Variants in CDC14A observed in about 807,000 individuals in gnomAD.
CDC14A encodes dual specificity protein phosphatase CDC14A.
CDC14A carries 53 observed loss-of-function variants against 74.4 expected under a neutral mutation model. The observed-to-expected ratio is 0.71, with a 90% CI of 0.57 to 0.89. The LOEUF is 0.89. CDC14A is among the 40% of genes least tolerant of loss of function. The pLI, the probability that CDC14A is intolerant of heterozygous loss-of-function variation, is 0.00. For missense variants in CDC14A, 646 were observed against 713.7 expected (o/e 0.91, Z 1.08); for synonymous variants, 247 against 258.4 (o/e 0.96, Z 0.43).
intron 4 of CDC14A, among the ~76,000 whole-genome samples, chr1:100,420,063 C>CAT (rs1553180578): frequency 0.056 from 3,458 of 61,542 alleles, 256 homozygotes; most frequent in South Asian, 0.11. Flanking sequence ...CACACACACA[C>CAT]ATATATATAT....
Position 100,518,311 on chromosome 1 carries a change from C to T in CDC14A, c.*31C>T, listed in dbSNP as rs1239698644. 6.3e-7 allele frequency: 1 copy of T among 1,581,378 alleles called. No homozygotes were observed. The highest frequency in any genetic ancestry group is 1.1e-5 in the South Asian group (1 of 90,048). ...TGCCACTCCAGTGAAAGCTGTTCTT[C>T]TCTTAGACACAATTTCTTCATCTGG... On this transcript the variant is annotated 3_prime_UTR_variant, in exon 16 of 16. Coordinates refer to ENST00000336454, the MANE Select transcript of CDC14A (RefSeq NM_003672.4).
intron 5 of CDC14A, among the ~76,000 whole-genome samples, chr1:100,438,292 T>C (rs1352441397): frequency 3.3e-5 from 5 of 152,190 alleles, no homozygotes; most frequent in Admixed American, 1.3e-4. Flanking sequence ...TTAAATGTAA[T>C]TGAAATAGTT....
At chr1:100,404,856 AC>A (rs377667156) in intron 4 of CDC14A, among the ~76,000 whole-genome samples, 16,610 of 151,776 alleles carry the variant, frequency 0.11, 1,094 homozygotes, top group Non-Finnish European at 0.14. Flanking sequence ...ACAAAACAAA[AC>A]AAAACAAAAA....
upstream of CDC14A, among the ~76,000 whole-genome samples, chr1:100,348,281 C>CA (rs59269474): frequency 0.022 from 1,922 of 86,886 alleles, 41 homozygotes; most frequent in African/African-American, 0.054. Context: ...GACTCCATTT[C>CA]AAAAAAAAAA....
chr1:100,406,712 T>C (rs1245941772), intron 4 of CDC14A, among the ~76,000 whole-genome samples: 1 of 151,894 alleles, frequency 6.6e-6, no homozygotes, highest in Non-Finnish European at 1.5e-5. Context: ...TCACCTGAGG[T>C]TGGGAGTTTA....
rs1288124087 is a variant in CDC14A at position 100,353,749 on chromosome 1, A to C, written c.50-13A>C. The C allele has an allele frequency of 9.1e-6, 13 of 1,435,152 alleles. No homozygotes were observed. Among genetic ancestry groups the C allele is most frequent in the Non-Finnish European group, 1.2e-5 (12 of 1,024,870 alleles). The allele number at this position is 1,435,152 out of a possible 1,614,324, so 88.9% of individuals were successfully genotyped here. ...CTCATATGTTTTTTCTGTCTTTTAA[A>C]CTTGTCTTTCAGATCGGTTATATTT... On this transcript the variant is annotated splice_polypyrimidine_tract_variant and intron_variant, in intron 1 of 15. Coordinates refer to ENST00000336454, the MANE Select transcript of CDC14A (RefSeq NM_003672.4).
chr1:100,464,926 C>CT (rs58978094), intron 9 of CDC14A, among the ~76,000 whole-genome samples: 317 of 138,764 alleles, frequency 2.3e-3, no homozygotes, highest in East Asian at 3.9e-3. Context: ...CTTTTCTTTT[C>CT]TTTTTTTTTT....
At chr1:100,465,608 G>A (rs541914604) in intron 9 of CDC14A, among the ~76,000 whole-genome samples, 6 of 152,300 alleles carry the variant, frequency 3.9e-5, no homozygotes, top group Non-Finnish European at 5.9e-5. Context: ...ATGAACTTTG[G>A]TGGCTACTGA....
At chr1:100,428,945 C>G (rs987824250) in intron 5 of CDC14A, among the ~76,000 whole-genome samples, 1 of 152,062 alleles carries the variant, frequency 6.6e-6, no homozygotes, top group Non-Finnish European at 1.5e-5. Flanking sequence ...CGGTGGCTCA[C>G]GCCTGTAATC....
intron 7 of CDC14A, among the ~76,000 whole-genome samples, chr1:100,450,259 C>G (rs1315502385): frequency 6.6e-6 from 1 of 152,174 alleles, no homozygotes; most frequent in East Asian, 1.9e-4. Flanking sequence ...TGTCTCTCAG[C>G]AAGTCACATT....
intron 10 of CDC14A, among the ~76,000 whole-genome samples, chr1:100,479,368 C>T (rs1417785731): frequency 6.6e-6 from 1 of 151,938 alleles, no homozygotes; most frequent in African/African-American, 2.4e-5. Flanking sequence ...TTTAGTGCAC[C>T]CATCACCTAA....
At position 100,484,345 on chromosome 1, in the gene CDC14A, A is replaced by T; in HGVS notation, c.1031A>T (p.Asn344Ile). ...QGDIFRSKLK[N>I]RPSSEGSINK... The stretch of plus-strand genomic sequence containing the variant: ...GACATTTTCCGATCCAAACTGAAAA[A>T]TCGACCATCCAGTGAAGGAAGTATT... The change falls in exon 11 of 16, where the codon AAT (asparagine) becomes ATT (isoleucine). Residue 344 changes from asparagine (N) to isoleucine (I), a missense_variant. Transcript: ENST00000336454. The T allele has an allele frequency of 6.2e-7, 1 of 1,606,056 alleles. No individual in the cohort carries two copies. The highest frequency in any genetic ancestry group is 1.7e-5 in the Admixed American group (1 of 58,936).
At chr1:100,417,205 G>A (rs1435753183) in intron 4 of CDC14A, among the ~76,000 whole-genome samples, 1 of 152,174 alleles carries the variant, frequency 6.6e-6, no homozygotes, top group East Asian at 1.9e-4. Flanking sequence ...GTGATCCCAA[G>A]GAAACGGAGG....
intron 10 of CDC14A, among the ~76,000 whole-genome samples, chr1:100,482,832 A>G (rs1669627650): frequency 1.3e-5 from 2 of 151,910 alleles, no homozygotes; most frequent in Non-Finnish European, 2.9e-5. Flanking sequence ...ATATCTATAT[A>G]TATATTTTTT....
At chr1:100,490,017 G>A (rs1670458973) in intron 11 of CDC14A, among the ~76,000 whole-genome samples, 1 of 152,154 alleles carries the variant, frequency 6.6e-6, no homozygotes, top group African/African-American at 2.4e-5. Context: ...AATGAATCTG[G>A]TATAAGGAAG....
chr1:100,353,886 C>A, intron 2 of CDC14A, 34 bp downstream of exon 2: 1 of 1,278,230 alleles, frequency 7.8e-7, no homozygotes, highest in Non-Finnish European at 1.1e-6. Flanking sequence ...TTCTCTTGGC[C>A]ATTCAGCTTG....
intron 10 of CDC14A, among the ~76,000 whole-genome samples, chr1:100,475,983 G>C (rs367543709): frequency 9.7e-4 from 148 of 152,296 alleles, no homozygotes; most frequent in African/African-American, 3.4e-3. Context: ...GCCTGGCAGC[G>C]TGGAAATCCA....
intron 15 of CDC14A, among the ~76,000 whole-genome samples, chr1:100,503,750 ACACT>A (rs879487591): frequency 3.9e-5 from 6 of 152,222 alleles, no homozygotes; most frequent in Non-Finnish European, 7.3e-5. Context: ...TCACTCCCTG[ACACT>A]CAGAGGAGTT....
chr1:100,398,122 C>A (rs1557715958), intron 4 of CDC14A, among the ~76,000 whole-genome samples: 1 of 152,082 alleles, frequency 6.6e-6, no homozygotes. Context: ...CATAATAATA[C>A]CCTATTTTAC....
Sources: allele counts gnomAD v4.1 joint callset (sites outside exome capture counted in the v4.1 genomes callset), GRCh38; gene constraint gnomAD v4.1.1; transcripts MANE v1.5; gene names NCBI Gene and HGNC (gene_info 2026-07-23, HGNC 2026-07-21).